The following HIP1 variants were observed in gnomAD, a reference collection of about 807,000 sequenced individuals.
The protein encoded by HIP1 is huntingtin-interacting protein 1.
HIP1 carries 65 observed loss-of-function variants against 147.6 expected under a neutral mutation model. That is an observed-to-expected ratio of 0.44 (90% CI 0.36 to 0.54). HIP1 has a LOEUF of 0.54. Among genes scored for constraint, HIP1 ranks in the 20% least tolerant of loss-of-function variants. HIP1 has a pLI of 0.00. For missense variants in HIP1, 1,061 were observed against 1,299.6 expected, an observed-to-expected ratio of 0.82 and a Z score of 2.82; for synonymous variants, 479 against 504.0, an observed-to-expected ratio of 0.95 and a Z score of 0.67.
intron 1 of HIP1, among the ~76,000 whole-genome samples, chr7:75,734,479 C>T (rs1801951890): frequency 6.6e-6 from 1 of 151,982 alleles, no homozygotes; most frequent in Non-Finnish European, 1.5e-5. Context: ...ATTAATATAT[C>T]CTGTGGCCCA....
intron 1 of HIP1, among the ~76,000 whole-genome samples, chr7:75,617,641 C>T (rs1797714921): frequency 6.6e-6 from 1 of 152,274 alleles, no homozygotes; most frequent in African/African-American, 2.4e-5. Flanking sequence ...TTCAAAGGGG[C>T]CTGGAATGTA....
At chr7:75,581,019 G>A (rs1796020561) in intron 7 of HIP1, among the ~76,000 whole-genome samples, 2 of 152,130 alleles carry the variant, frequency 1.3e-5, no homozygotes, top group Non-Finnish European at 2.9e-5. Flanking sequence ...TAGGATTACA[G>A]GTGCGAGCCA....
intron 5 of HIP1, 120 bp from the exon 6 acceptor site, chr7:75,582,271 C>T (rs1584830033): frequency 2.7e-6 from 2 of 730,026 alleles, no homozygotes; most frequent in East Asian, 5.4e-5. Flanking sequence ...GGGAGGATTG[C>T]TTGAGCCCGG....
chr7:75,651,460 CAAAAAAAAAAAAAAAA>C (rs1168846001), intron 1 of HIP1, among the ~76,000 whole-genome samples: 130 of 44,138 alleles, frequency 2.9e-3, no homozygotes, highest in Non-Finnish European at 4.9e-3. Context: ...CTCCATATCT[CAAAAAAAAAAAAAAAA>C]AAAAAAAAAA....
At chr7:75,585,141 C>T (rs1291756571) in intron 5 of HIP1, among the ~76,000 whole-genome samples, 1 of 151,372 alleles carries the variant, frequency 6.6e-6, no homozygotes, top group Non-Finnish European at 1.5e-5. Flanking sequence ...TGAGCCACCA[C>T]ATCCAGCTCA....
chr7:75,616,633 G>C (rs1554506110), intron 1 of HIP1, among the ~76,000 whole-genome samples: 1 of 138,232 alleles, frequency 7.2e-6, no homozygotes, highest in African/African-American at 2.5e-5. Context: ...AGGACGAGGA[G>C]GAGGAAGAAA....
In HIP1 at chr7:75,585,498, C is replaced by G. The variant is rs181665983; in HGVS notation, c.465+1255G>C. On this transcript the variant is annotated intron_variant, in intron 5 of 30. Transcript: ENST00000336926. ...ACCCCAAAACATCTTAAATCCAGTTCTCACCTTTCCCCGCCTCCTCATGAC... is the reference window on the plus strand; with the variant it reads ...ACCCCAAAACATCTTAAATCCAGTTGTCACCTTTCCCCGCCTCCTCATGAC... Among the ~76,000 whole-genome samples the G allele has an allele frequency of 1.7e-4, 26 of 151,980 alleles. 1 individual carries two copies. The East Asian group carries it at 4.7e-3, about 27-fold the overall frequency.
intron 29 of HIP1, among the ~76,000 whole-genome samples, chr7:75,541,704 A>G (rs369709937): frequency 1.5e-5 from 2 of 135,632 alleles, no homozygotes; most frequent in East Asian, 4.0e-4. Flanking sequence ...TCAAAAAAGA[A>G]AAAAAACAAA....
chr7:75,654,212 TG>T (rs1554512340), intron 1 of HIP1, among the ~76,000 whole-genome samples: 1 of 152,038 alleles, frequency 6.6e-6, no homozygotes, highest in East Asian at 1.9e-4. Flanking sequence ...CTGGTCAACA[TG>T]ATGAAACCCC....
intron 1 of HIP1, among the ~76,000 whole-genome samples, chr7:75,611,132 T>A (rs1484353979): frequency 6.6e-6 from 1 of 151,252 alleles, no homozygotes; most frequent in Non-Finnish European, 1.5e-5. Context: ...TTGGCTAGGC[T>A]GGTCTTGAAC....
At chr7:75,637,537 T>C (rs1280009048) in intron 1 of HIP1, among the ~76,000 whole-genome samples, 1 of 12,216 alleles carries the variant, frequency 8.2e-5, no homozygotes, top group Non-Finnish European at 1.5e-4. Context: ...GCAGAGAGGA[T>C]TTTTTTTTTT....
intron 2 of HIP1, among the ~76,000 whole-genome samples, chr7:75,595,436 A>G (rs587667603): frequency 6.6e-6 from 1 of 151,232 alleles, no homozygotes; most frequent in African/African-American, 2.4e-5. Flanking sequence ...TCCACCTCCC[A>G]GGTTCAAGTG....
chr7:75,730,665 G>T (rs1801810086), intron 1 of HIP1, among the ~76,000 whole-genome samples: 1 of 151,524 alleles, frequency 6.6e-6, no homozygotes, highest in Non-Finnish European at 1.5e-5. Context: ...ATTCATACAT[G>T]TGTTGCAAGG....
At chr7:75,579,417 G>T (rs1228719853) in intron 7 of HIP1, among the ~76,000 whole-genome samples, 1 of 151,970 alleles carries the variant, frequency 6.6e-6, no homozygotes, top group African/African-American at 2.4e-5. Flanking sequence ...TCAGCCTCCT[G>T]AGTAGTTGGG....
In HIP1 at chr7:75,563,006, C is replaced by T; in HGVS notation, c.949G>A (p.Glu317Lys). The T allele has an allele frequency of 6.2e-7, 1 of 1,614,228 alleles. No individual in the cohort carries two copies. The highest frequency in any genetic ancestry group is 8.5e-7 in the Non-Finnish European group (1 of 1,180,034). ...GGCTCGCTGTCGGGGGATGAGGCCT[C>T]TGCAGGGATCACCACCACAGGGCTG... ...HISPVVVIPAEASSPDSEPVL... is the reference protein window; with the variant it reads ...HISPVVVIPAKASSPDSEPVL... Residue 317 changes from glutamate (E) to lysine (K), a missense_variant, in exon 11 of 31, where the codon GAG becomes AAG. Physicochemically the swap from Glu to Lys is moderately conservative, Grantham distance 56. Transcript: ENST00000336926.
At chr7:75,641,739 A>G (rs1406747933) in intron 1 of HIP1, among the ~76,000 whole-genome samples, 2 of 152,086 alleles carry the variant, frequency 1.3e-5, no homozygotes, top group African/African-American at 2.4e-5. Context: ...TCAGCCTCCC[A>G]AAGTGCTGGG....
chr7:75,613,549 T>C (rs1797523519), intron 1 of HIP1, among the ~76,000 whole-genome samples: 2 of 152,130 alleles, frequency 1.3e-5, no homozygotes, highest in South Asian at 4.1e-4. Flanking sequence ...CATCCGCCTT[T>C]GGTCCCTAGA....
At chr7:75,613,192 A>G (rs1226609126) in intron 1 of HIP1, among the ~76,000 whole-genome samples, 4 of 152,178 alleles carry the variant, frequency 2.6e-5, no homozygotes, top group Admixed American at 2.6e-4. Context: ...GCAATAGCTC[A>G]GGTTAACAGC....
chr7:75,587,046 T>C (rs1172893295), intron 4 of HIP1, among the ~76,000 whole-genome samples: 1 of 152,186 alleles, frequency 6.6e-6, no homozygotes, highest in Non-Finnish European at 1.5e-5. Context: ...GTTCAAGTGA[T>C]TCTCCTGCCT....
Sources: gnomAD v4.1 joint callset for allele counts (sites outside exome capture counted in the v4.1 genomes callset) on GRCh38, gnomAD v4.1.1 for gene constraint, MANE v1.5 for transcripts, NCBI Gene and HGNC (gene_info 2026-07-23, HGNC 2026-07-21) for gene names.